SMAD1: variants seen among roughly 807,000 people sequenced by gnomAD.
The protein encoded by SMAD1 is MAD, mothers against decapentaplegic homolog 1.
Under a neutral mutation model 41.6 loss-of-function variants are expected in SMAD1, and 6 were observed. The observed-to-expected ratio is 0.14, with a 90% CI of 0.08 to 0.28. The LOEUF (loss-of-function observed/expected upper bound fraction) is 0.28. SMAD1 is among the 10% of genes least tolerant of loss of function. SMAD1 has a pLI of 1.00. For missense variants in SMAD1, 379 were observed against 582.6 expected, an observed-to-expected ratio of 0.65 and a Z score of 3.60; for synonymous variants, 206 against 203.2, an observed-to-expected ratio of 1.01 and a Z score of -0.12.
intron 2 of SMAD1, among the ~76,000 whole-genome samples, chr4:145,527,863 A>ATT (rs199585690): frequency 2.9e-5 from 4 of 138,986 alleles, no homozygotes; most frequent in Non-Finnish European, 3.2e-5. Context: ...TTGATCAGTA[A>ATT]TTTTTTTTTT....
chr4:145,540,258 G>T (rs1731848659), intron 3 of SMAD1, among the ~76,000 whole-genome samples, 197 bp downstream of exon 3: 1 of 152,356 alleles, frequency 6.6e-6, no homozygotes, highest in East Asian at 1.9e-4. Context: ...TATTTTATTT[G>T]TCAGGCACAG....
chr4:145,535,026 A>T (rs552331303), intron 2 of SMAD1, among the ~76,000 whole-genome samples: 1 of 152,290 alleles, frequency 6.6e-6, no homozygotes, highest in East Asian at 1.9e-4. Context: ...AAGGATGAAA[A>T]TACCAAAAAT....
At position 145,482,277 on chromosome 4, in the gene SMAD1, C is replaced by T. The variant is rs1308950069; in HGVS notation, c.-177+239C>T. Among the ~76,000 whole-genome samples, 1 of 150,680 alleles carries T rather than the reference C, an allele frequency of 6.6e-6. No individual in the cohort carries two copies. Among genetic ancestry groups the T allele is most frequent in the Non-Finnish European group, 1.5e-5 (1 of 67,530 alleles). ...TCTGCTCGGAGGAGCGAACCTGCTA[C>T]CACGTCTTCTCGCGCCCAGCCCGCC... On this transcript the variant is annotated intron_variant, in intron 1 of 6. Transcript: ENST00000302085. This position sits in a 1 kb window ranked among gnomAD's most constrained non-coding sequence, Gnocchi z 4.2.
At position 145,514,679 on chromosome 4, in the gene SMAD1, G is replaced by A. The variant is rs769453113; in HGVS notation, c.66G>A (p.Gln22=). 6 of 1,614,072 alleles carry A rather than the reference G, an allele frequency of 3.7e-6. No individual in the cohort carries two copies. Among genetic ancestry groups the A allele is most frequent in the Non-Finnish European group, 5.1e-6 (6 of 1,180,016 alleles). ...PAVKRLLGWK[Q]GDEEEKWAEK... The stretch of plus-strand genomic sequence containing the variant: ...TGAAGAGACTTCTTGGGTGGAAACA[G>A]GGCGATGAAGAAGAAAAATGGGCAG... The change falls in exon 2 of 7, where the codon CAG becomes CAA. Residue 22 remains glutamine (Q), a synonymous_variant. Transcript: ENST00000302085. This position sits in a 1 kb window ranked among gnomAD's most constrained non-coding sequence, Gnocchi z 4.7.
intron 2 of SMAD1, chr4:145,525,875 A>G (rs941865675): frequency 1.3e-5 from 2 of 152,222 alleles, no homozygotes; most frequent in Non-Finnish European, 2.9e-5. Flanking sequence ...TGTGGCTTAA[A>G]TCAAGATTTA....
chr4:145,523,067 T>G (rs1730839373), intron 2 of SMAD1, among the ~76,000 whole-genome samples: 2 of 152,218 alleles, frequency 1.3e-5, no homozygotes, highest in Admixed American at 1.3e-4. Flanking sequence ...TTGGGATTAA[T>G]TAGCAATAAT....
intron 2 of SMAD1, among the ~76,000 whole-genome samples, chr4:145,519,287 G>A (rs1311323839): frequency 1.4e-5 from 1 of 69,584 alleles, no homozygotes; most frequent in African/African-American, 3.2e-5. Context: ...GTAAAGATGG[G>A]GTTTTACCAT....
Position 145,542,661 on chromosome 4 carries a change from G to C in SMAD1, c.738G>C (p.Met246Ile), listed in dbSNP as rs563550038. 24 of 1,613,046 alleles carry C rather than the reference G, an allele frequency of 1.5e-5. No individual in the cohort carries two copies. The highest frequency in any genetic ancestry group is 5.0e-5 in the Admixed American group (3 of 59,868). ...GCTCTCAGCCGATGGACACAAACAT[G>C]ATGGCGCCTCCCCTGCCCTCAGAAA... ...QDGSQPMDTN[M>I]MAPPLPSEIN... Residue 246 changes from methionine (M) to isoleucine (I), a missense_variant, in exon 4 of 7, where the codon ATG (methionine) becomes ATC (isoleucine). Met to Ile is a conservative substitution (Grantham distance 10, BLOSUM62 1). This residue lies in a region of SMAD1 where 208 missense variants were observed against 210.5 expected (regional missense o/e 0.99). Coordinates refer to ENST00000302085, the MANE Select transcript of SMAD1 (RefSeq NM_005900.3).
chr4:145,540,352 A>T (rs2126513467), intron 3 of SMAD1, among the ~76,000 whole-genome samples: 1 of 152,374 alleles, frequency 6.6e-6, no homozygotes, highest in African/African-American at 2.4e-5. Flanking sequence ...TAATTGTTAC[A>T]GTCTTTACTC....
At chr4:145,485,215 C>T (rs1404018281) in intron 1 of SMAD1, among the ~76,000 whole-genome samples, 1 of 152,100 alleles carries the variant, frequency 6.6e-6, no homozygotes, top group East Asian at 1.9e-4. Context: ...ACTACAGGCA[C>T]TGCCACCATG....
Position 145,532,802 on chromosome 4 carries a change from C to T in SMAD1, c.401-7002C>T, listed in dbSNP as rs147369436. ...GAACAAGTCAGAGGGAAACACTGCT[C>T]ACCCTCTCTCCCTTCCTATTGGTGA... On this transcript the variant is annotated intron_variant, in intron 2 of 6. Coordinates refer to ENST00000302085, the MANE Select transcript of SMAD1 (RefSeq NM_005900.3). 2.0e-3 allele frequency among the ~76,000 whole-genome samples: 301 copies of T among 152,312 alleles called. 1 individual carries two copies. Among genetic ancestry groups the T allele is most frequent in the Non-Finnish European group, 3.8e-3 (258 of 68,026 alleles).
intron 2 of SMAD1, among the ~76,000 whole-genome samples, chr4:145,534,473 T>A (rs939558542): frequency 6.6e-6 from 1 of 152,088 alleles, no homozygotes; most frequent in African/African-American, 2.4e-5. Context: ...AACAAAACAC[T>A]GAAAAGGAAG....
At chr4:145,488,825 A>G (rs1484643342) in intron 1 of SMAD1, among the ~76,000 whole-genome samples, 1 of 152,234 alleles carries the variant, frequency 6.6e-6, no homozygotes, top group Non-Finnish European at 1.5e-5. Context: ...TAATTAGAGT[A>G]TACACAAACA....
chr4:145,535,863 T>G (rs953991263), intron 2 of SMAD1, among the ~76,000 whole-genome samples: 1 of 151,338 alleles, frequency 6.6e-6, no homozygotes, highest in Non-Finnish European at 1.5e-5. Flanking sequence ...TCAAATAAAC[T>G]AACTGTGAAA....
chr4:145,495,252 G>A (rs1729005113), intron 1 of SMAD1, among the ~76,000 whole-genome samples: 1 of 152,110 alleles, frequency 6.6e-6, no homozygotes, highest in Non-Finnish European at 1.5e-5. Flanking sequence ...AGACAGATGG[G>A]GTAACTGAAG....
chr4:145,547,843 A>G (rs1375081952), intron 5 of SMAD1, among the ~76,000 whole-genome samples: 1 of 152,200 alleles, frequency 6.6e-6, no homozygotes, highest in Non-Finnish European at 1.5e-5. Flanking sequence ...TGTATTACGT[A>G]TGTGTGTATG....
chr4:145,492,305 G>T (rs897419325), intron 1 of SMAD1, among the ~76,000 whole-genome samples: 23 of 152,182 alleles, frequency 1.5e-4, no homozygotes, highest in African/African-American at 5.3e-4. Flanking sequence ...ATAAGTCCAG[G>T]CTTCTGGAAC....
At chr4:145,552,892 ATGT>A (rs111591261) in intron 5 of SMAD1, among the ~76,000 whole-genome samples, 23,221 of 150,878 alleles carry the variant, frequency 0.15, 3,768 homozygotes, top group African/African-American at 0.4. Flanking sequence ...AAATTGCTAC[ATGT>A]TGTTGTTGTT....
At chr4:145,503,013 T>A (rs893451802) in intron 1 of SMAD1, 1 of 152,248 alleles carries the variant, frequency 6.6e-6, no homozygotes, top group Non-Finnish European at 1.5e-5. Context: ...AGTACCTGCA[T>A]TATTGCATCA....
Sources: allele counts gnomAD v4.1 joint callset (sites outside exome capture counted in the v4.1 genomes callset), GRCh38; gene constraint gnomAD v4.1.1; regional missense constraint gnomAD v4.1.1; non-coding constraint Gnocchi (gnomAD v3.1); transcripts MANE v1.5; gene names NCBI Gene and HGNC (gene_info 2026-07-23, HGNC 2026-07-21).